ALK: variants seen among roughly 807,000 people sequenced by gnomAD.
ALK encodes ALK tyrosine kinase receptor.
Under a neutral mutation model 163.1 loss-of-function variants are expected in ALK, and 74 were observed. The ratio of observed to expected loss-of-function variants is 0.45; its 90% confidence interval spans 0.38 to 0.55. ALK has a LOEUF of 0.55. Ranked by LOEUF, ALK falls within the 20% of genes least tolerant of loss-of-function variation. The pLI is 0.00. For missense variants in ALK, 2,063 were observed against 2,105.3 expected (o/e 0.98, Z 0.39); for synonymous variants, 960 against 843.2 (o/e 1.14, Z -2.40).
chr2:29,637,972 G>A (rs2148242709), intron 3 of ALK, among the ~76,000 whole-genome samples: 1 of 151,930 alleles, frequency 6.6e-6, no homozygotes, highest in South Asian at 2.1e-4. Flanking sequence ...ACAGAATTTT[G>A]AAATAAACTT....
intron 1 of ALK, among the ~76,000 whole-genome samples, chr2:29,777,608 A>C (rs765153402): frequency 3.3e-5 from 5 of 152,162 alleles, no homozygotes; most frequent in Non-Finnish European, 7.3e-5. Context: ...AATGTATCTC[A>C]GAAGGACAGT....
chr2:29,506,686 C>T (rs370044844), intron 4 of ALK, among the ~76,000 whole-genome samples: 23 of 151,190 alleles, frequency 1.5e-4, no homozygotes, highest in South Asian at 6.2e-4. Flanking sequence ...GCAGAGCTTG[C>T]GGTGAGCCGA....
chr2:29,593,923 T>G (rs568447186), intron 3 of ALK, among the ~76,000 whole-genome samples: 57 of 152,350 alleles, frequency 3.7e-4, no homozygotes, highest in African/African-American at 1.3e-3. Context: ...ATACAGCCAT[T>G]ATTAAAATAT....
At chr2:29,817,055 C>G (rs1015436508) in intron 1 of ALK, among the ~76,000 whole-genome samples, 5 of 152,198 alleles carry the variant, frequency 3.3e-5, no homozygotes, top group Non-Finnish European at 7.3e-5. Flanking sequence ...GTCCATTCCT[C>G]TTTTACAGAG....
intron 5 of ALK, among the ~76,000 whole-genome samples, chr2:29,338,328 C>T (rs1453052791): frequency 1.3e-5 from 2 of 152,206 alleles, no homozygotes; most frequent in Admixed American, 6.5e-5. Context: ...CCACCAGAGT[C>T]AGCTTTCTGA....
intron 3 of ALK, among the ~76,000 whole-genome samples, chr2:29,568,890 C>G (rs1573463304): frequency 6.6e-6 from 1 of 152,088 alleles, no homozygotes; most frequent in Non-Finnish European, 1.5e-5. Flanking sequence ...TTTGAACTGA[C>G]CCTTGTGTAT....
At chr2:29,722,688 C>T (rs75134609) in intron 1 of ALK, among the ~76,000 whole-genome samples, 4,845 of 152,246 alleles carry the variant, frequency 0.032, 105 homozygotes, top group Middle Eastern at 0.065. Context: ...ACTACTGTTA[C>T]CAAATTTGTG....
rs908409502 is a variant in ALK at position 29,227,310 on chromosome 2, G to A, written c.2915-236C>T. 6.6e-6 allele frequency among the ~76,000 whole-genome samples: 1 copy of A among 152,212 alleles called. No individual in the cohort carries two copies. The highest frequency in any genetic ancestry group is 1.5e-5 in the Non-Finnish European group (1 of 68,034). On this transcript the variant is annotated intron_variant, in intron 17 of 28. Coordinates refer to ENST00000389048, the MANE Select transcript of ALK (RefSeq NM_004304.5). This position sits in a 1 kb window ranked among gnomAD's most constrained non-coding sequence, Gnocchi z 4.4. ...GCTTTTGAGTCAGTGGTGGAGAGAAGCCCACGCACATGATCTTTAGGTTGG... is the reference window on the plus strand; with the variant it reads ...GCTTTTGAGTCAGTGGTGGAGAGAAACCCACGCACATGATCTTTAGGTTGG...
chr2:29,499,143 C>T (rs545376757), intron 4 of ALK, among the ~76,000 whole-genome samples: 5 of 152,088 alleles, frequency 3.3e-5, no homozygotes, highest in African/African-American at 7.2e-5. Flanking sequence ...TTCCTCACCC[C>T]GGTTTTGTGG....
intron 8 of ALK, among the ~76,000 whole-genome samples, chr2:29,313,434 G>T (rs925136869): frequency 2.0e-5 from 3 of 152,174 alleles, no homozygotes; most frequent in African/African-American, 7.2e-5. Flanking sequence ...CTCCCAGCCT[G>T]TGGAGAGACG....
At chr2:29,241,417 G>A (rs542771339) in intron 12 of ALK, among the ~76,000 whole-genome samples, 5 of 152,142 alleles carry the variant, frequency 3.3e-5, no homozygotes, top group Non-Finnish European at 7.4e-5. Flanking sequence ...GCTCATGGGT[G>A]AAAGCCCCGG....
intron 9 of ALK, among the ~76,000 whole-genome samples, chr2:29,294,989 C>T (rs1666135029): frequency 6.6e-6 from 1 of 152,164 alleles, no homozygotes; most frequent in Non-Finnish European, 1.5e-5. Context: ...CTTCCCATAT[C>T]ATCTGTACCT....
chr2:29,782,638 A>G (rs1161434678), intron 1 of ALK, among the ~76,000 whole-genome samples: 1 of 152,148 alleles, frequency 6.6e-6, no homozygotes, highest in Non-Finnish European at 1.5e-5. Flanking sequence ...TTCCCAGGGA[A>G]TACCTTTAGG....
At chr2:29,359,858 G>A (rs1029410174) in intron 5 of ALK, among the ~76,000 whole-genome samples, 2 of 152,214 alleles carry the variant, frequency 1.3e-5, no homozygotes, top group Admixed American at 1.3e-4. Context: ...GCCCTTTGGT[G>A]GTGCCTAAGA....
intron 4 of ALK, among the ~76,000 whole-genome samples, chr2:29,514,708 C>T (rs1244121763): frequency 6.6e-6 from 1 of 152,212 alleles, no homozygotes; most frequent in Non-Finnish European, 1.5e-5. Flanking sequence ...CTCTGTCTAC[C>T]CAGTTGGTCA....
intron 26 of ALK, among the ~76,000 whole-genome samples, chr2:29,198,758 T>C (rs1389732844): frequency 6.6e-6 from 1 of 152,186 alleles, no homozygotes; most frequent in Non-Finnish European, 1.5e-5. Context: ...TTATGTTTAT[T>C]GACTTGATAA....
At chr2:29,540,918 A>G (rs1462611179) in intron 3 of ALK, among the ~76,000 whole-genome samples, 1 of 152,172 alleles carries the variant, frequency 6.6e-6, no homozygotes, top group African/African-American at 2.4e-5. Context: ...TAAACACCCA[A>G]TTCAAACTAC....
At chr2:29,353,502 C>T (rs78673981) in intron 5 of ALK, among the ~76,000 whole-genome samples, 12 of 152,242 alleles carry the variant, frequency 7.9e-5, no homozygotes, top group Admixed American at 1.3e-4. Context: ...ATTGCTTTGC[C>T]GAGTCTGGGT....
intron 18 of ALK, among the ~76,000 whole-genome samples, chr2:29,226,193 A>G (rs1241430573): frequency 1.3e-5 from 2 of 152,006 alleles, no homozygotes; most frequent in African/African-American, 4.8e-5. Flanking sequence ...AAGGAGGAGG[A>G]TGGGGCCAGG....
Sources: allele counts gnomAD v4.1 joint callset (sites outside exome capture counted in the v4.1 genomes callset), GRCh38; gene constraint gnomAD v4.1.1; non-coding constraint Gnocchi (gnomAD v3.1); transcripts MANE v1.5; gene names NCBI Gene and HGNC (gene_info 2026-07-23, HGNC 2026-07-21).